The following ZNF512 variants were observed in gnomAD, a reference collection of about 807,000 sequenced individuals.
ZNF512 encodes the protein zinc finger protein 512.
A neutral mutation model predicts 77.5 loss-of-function variants in ZNF512; 25 were observed. That is an observed-to-expected ratio of 0.32 (90% CI 0.23 to 0.45). The LOEUF (loss-of-function observed/expected upper bound fraction) is 0.45, where lower values mean the gene tolerates loss of function less well. Among genes scored for constraint, ZNF512 ranks in the 20% least tolerant of loss-of-function variants. The pLI is 1.00. For synonymous variants in ZNF512, 246 were observed against 239.9 expected (o/e 1.03, Z -0.24); for missense variants, 483 against 692.6 (o/e 0.70, Z 3.40).
Position 27,583,669 on chromosome 2 carries a change from C to T in ZNF512, c.42C>T (p.Pro14=), listed in dbSNP as rs1033867629. The T allele has an allele frequency of 3.1e-6, 5 of 1,614,056 alleles. No individual in the cohort carries two copies. The African/African-American group carries it at 6.7e-5, about 22-fold the overall frequency. The change falls in exon 2 of 14, where the codon CCC becomes CCT. Residue 14 remains proline (P), a synonymous_variant. Transcript: ENST00000355467. ...TTGTGATTTGCTAGACTTCGGGACC[C>T]ACAACCTTTAAGCAGCAGAGGAGCA... ...RLGAVPATSG[P]TTFKQQRSTR... is the part of the protein sequence containing the mutation.
chr2:27,610,561 T>C lies in ZNF512; in HGVS notation c.1131+2522T>C, dbSNP rs1280782581. ...ATGTGTGTGTATATATATATATATA[T>C]ATATATATTTTTTTTTTTTTTTTTT... On this transcript the variant is annotated intron_variant, in intron 10 of 13. Coordinates refer to ENST00000355467, the MANE Select transcript of ZNF512 (RefSeq NM_032434.4). Among the ~76,000 whole-genome samples the C allele has an allele frequency of 4.1e-4, 15 of 36,468 alleles. 1 individual carries two copies. The highest frequency in any genetic ancestry group is 9.1e-4 in the African/African-American group (9 of 9,926). The allele number at this position is 36,468 out of a possible 152,430, so 23.9% of individuals were successfully genotyped here.
intron 2 of ZNF512, among the ~76,000 whole-genome samples, chr2:27,585,391 G>A (rs972917272): frequency 1.3e-5 from 2 of 152,210 alleles, no homozygotes; most frequent in African/African-American, 4.8e-5. Context: ...TTCTCAGTAT[G>A]TACCTTGGTC....
At chr2:27,602,800 C>G (rs1020856335) in intron 8 of ZNF512, among the ~76,000 whole-genome samples, 1 of 151,942 alleles carries the variant, frequency 6.6e-6, no homozygotes, top group African/African-American at 2.4e-5. Context: ...GAAGAGGATC[C>G]CAGTGACCCC....
At chr2:27,585,599 A>T in intron 2 of ZNF512, among the ~76,000 whole-genome samples, 1 of 152,216 alleles carries the variant, frequency 6.6e-6, no homozygotes, top group Non-Finnish European at 1.5e-5. Context: ...GCTTTTAAAG[A>T]TTGGGTAGAA....
intron 12 of ZNF512, chr2:27,617,231 A>C (rs1433989106): frequency 1.3e-5 from 5 of 399,582 alleles, no homozygotes; most frequent in Non-Finnish European, 2.3e-5. Context: ...AAAAAGTAGG[A>C]GACTTTCAGG....
intron 2 of ZNF512, among the ~76,000 whole-genome samples, chr2:27,597,359 A>G (rs998764394): frequency 6.6e-5 from 10 of 152,222 alleles, no homozygotes; most frequent in Non-Finnish European, 1.0e-4. Context: ...CTAGGAGTCC[A>G]TTGACCACTC....
At chr2:27,594,294 C>T (rs575589666) in intron 2 of ZNF512, among the ~76,000 whole-genome samples, 17 of 139,750 alleles carry the variant, frequency 1.2e-4, no homozygotes, top group South Asian at 7.2e-4. Flanking sequence ...AGTTCGCAGA[C>T]GGGGTGGCAG....
intron 2 of ZNF512, among the ~76,000 whole-genome samples, chr2:27,589,667 C>A (rs1393343677): frequency 1.3e-5 from 2 of 152,124 alleles, no homozygotes; most frequent in East Asian, 3.9e-4. Context: ...GATTTTAGAT[C>A]GTTTCTAGTA....
intron 3 of ZNF512, among the ~76,000 whole-genome samples, chr2:27,598,661 A>G (rs193140852): frequency 3.7e-4 from 56 of 152,126 alleles, no homozygotes; most frequent in African/African-American, 1.3e-3. Flanking sequence ...GAAATGCCAC[A>G]TATTTGTTTC....
At chr2:27,614,181 A>G (rs1054431232) in intron 10 of ZNF512, among the ~76,000 whole-genome samples, 1 of 151,938 alleles carries the variant, frequency 6.6e-6, no homozygotes. Flanking sequence ...CTTTTCAGAT[A>G]CTTCCATTGT....
Position 27,590,458 on chromosome 2 carries a change from T to G in ZNF512, c.89+6742T>G, listed in dbSNP as rs534336350. 7.2e-5 allele frequency among the ~76,000 whole-genome samples: 11 copies of G among 152,366 alleles called. No homozygotes were observed. In the South Asian group the frequency reaches 2.3e-3, roughly 32 times the overall value. On this transcript the variant is annotated intron_variant, in intron 2 of 13. Transcript: ENST00000355467. ...ATGTCTTTATATTTTAGAGTGTGCT[T>G]CTTGTAGGTAGCATGTAGTAGGGTA...
Position 27,599,649 on chromosome 2 carries a change from A to T in ZNF512, c.344A>T (p.Glu115Val), listed in dbSNP as rs1395656527. The T allele has an allele frequency of 6.8e-6, 11 of 1,614,078 alleles. No individual in the cohort carries two copies. The highest frequency in any genetic ancestry group is 9.3e-6 in the Non-Finnish European group (11 of 1,180,022). ...CAGGAAGAAGATGAAGACTATCGAG[A>T]ATTTCCTCAGAAGAAGCATAAGCTT... ...PRQEEDEDYR[E>V]FPQKKHKLYG... Residue 115 changes from glutamate (E) to valine (V), a missense_variant, in exon 4 of 14, where the codon GAA becomes GTA. Around this residue, in one of 2 missense-constraint regions of ZNF512, gnomAD observed 159 missense variants for 167.5 expected, o/e 0.95. Coordinates refer to ENST00000355467, the MANE Select transcript of ZNF512 (RefSeq NM_032434.4).
intron 10 of ZNF512, among the ~76,000 whole-genome samples, chr2:27,608,252 C>T (rs1267769901): frequency 6.6e-6 from 1 of 152,152 alleles, no homozygotes; most frequent in Non-Finnish European, 1.5e-5. Context: ...AAAGAGCCCT[C>T]TTAATTCTGG....
intron 7 of ZNF512, among the ~76,000 whole-genome samples, chr2:27,601,734 C>T (rs2148021887): frequency 6.6e-6 from 1 of 152,240 alleles, no homozygotes; most frequent in South Asian, 2.1e-4. Flanking sequence ...CCGCAACCTC[C>T]GCCTCCTGGG....
At chr2:27,613,817 T>C (rs1672768337) in intron 10 of ZNF512, among the ~76,000 whole-genome samples, 1 of 152,128 alleles carries the variant, frequency 6.6e-6, no homozygotes, top group South Asian at 2.1e-4. Flanking sequence ...ATCTTTTTTA[T>C]AGCTGGATAG....
intron 10 of ZNF512, among the ~76,000 whole-genome samples, chr2:27,609,536 T>C (rs1300424238): frequency 6.6e-6 from 1 of 151,836 alleles, no homozygotes; most frequent in Non-Finnish European, 1.5e-5. Flanking sequence ...GAGACCAGCC[T>C]GGTCAACATG....
chr2:27,583,320 C>T, intron 1 of ZNF512, 178 bp downstream of exon 1: 1 of 1,263,290 alleles, frequency 7.9e-7, no homozygotes, highest in East Asian at 2.4e-5. Flanking sequence ...GCCTGTTCCC[C>T]ACCTCCTTGG....
At chr2:27,591,814 C>T (rs1671598229) in intron 2 of ZNF512, among the ~76,000 whole-genome samples, 2 of 152,044 alleles carry the variant, frequency 1.3e-5, no homozygotes, top group African/African-American at 2.4e-5. Flanking sequence ...ACTGGGATTA[C>T]AAATGTGAGC....
intron 10 of ZNF512, among the ~76,000 whole-genome samples, chr2:27,612,719 G>A (rs183770933): frequency 6.6e-6 from 1 of 152,050 alleles, no homozygotes; most frequent in Admixed American, 6.5e-5. Flanking sequence ...TTATTCCCTT[G>A]TAAAAAACAA....
Sources: gnomAD v4.1 joint callset for allele counts (sites outside exome capture counted in the v4.1 genomes callset) on GRCh38, gnomAD v4.1.1 for gene constraint, gnomAD v4.1.1 regional missense constraint, MANE v1.5 for transcripts, NCBI Gene and HGNC (gene_info 2026-07-23, HGNC 2026-07-21) for gene names.